CD109: variants seen among roughly 807,000 people sequenced by gnomAD.
The protein encoded by CD109 is CD109 molecule.
Under a neutral mutation model 165.8 loss-of-function variants are expected in CD109, and 149 were observed. The ratio of observed to expected loss-of-function variants is 0.90; its 90% CI spans 0.79 to 1.03. The LOEUF (loss-of-function observed/expected upper bound fraction) is 1.03, where lower values mean the gene tolerates loss of function less well. Ranked by LOEUF, CD109 falls within the 50% of genes least tolerant of loss-of-function variation. The pLI is 0.00. For synonymous variants in CD109, 585 were observed against 592.1 expected (o/e 0.99, Z 0.18); for missense variants, 1,712 against 1,677.8 (o/e 1.02, Z -0.36).
chr6:73,789,343 T>G (rs1043747672), intron 22 of CD109, among the ~76,000 whole-genome samples: 7 of 152,340 alleles, frequency 4.6e-5, no homozygotes, highest in African/African-American at 1.7e-4. Context: ...AAAGTGATAT[T>G]ATGGCTTATG....
chr6:73,705,543 C>G (rs1230580107), intron 2 of CD109, among the ~76,000 whole-genome samples: 1 of 151,898 alleles, frequency 6.6e-6, no homozygotes, highest in African/African-American at 2.4e-5. Context: ...TCAGGAGGCT[C>G]AGGCAGGAGG....
At chr6:73,792,546 C>T (rs1775007269) in intron 22 of CD109, 80 bp from the exon 23 acceptor site, 2 of 1,212,688 alleles carry the variant, frequency 1.6e-6, no homozygotes, top group Admixed American at 3.7e-5. Context: ...GTCTTCTGTA[C>T]TCAGTGGAAG....
rs1209124407 is a variant in CD109 at position 73,761,288 on chromosome 6, C to T, written c.759-1096C>T. Among the ~76,000 whole-genome samples, 6 of 152,154 alleles carry T rather than the reference C, an allele frequency of 3.9e-5. No individual in the cohort carries two copies. The East Asian group carries it at 1.2e-3, about 29-fold the overall frequency. ...AAAATCTTCTAAAGCTGCGAAGTTT[C>T]GTGGGCATTCAGTTAATGGGCCAGT... On this transcript the variant is annotated intron_variant, in intron 7 of 32. Transcript: ENST00000287097.
At position 73,709,499 on chromosome 6, in the gene CD109, C is replaced by T. The variant is rs139110124; in HGVS notation, c.247+11927C>T. Among the ~76,000 whole-genome samples, 314 of 152,086 alleles carry T rather than the reference C, an allele frequency of 2.1e-3. 2 individuals carry two copies. The highest frequency in any genetic ancestry group is 7.2e-3 in the African/African-American group (297 of 41,476). On this transcript the variant is annotated intron_variant, in intron 2 of 32. Coordinates refer to ENST00000287097, the MANE Select transcript of CD109 (RefSeq NM_133493.5). ...GGCAATGTGAGTTGTTTTTTGGTTCCGTATGAACTTTAAAGTAGTTTTTTC... is the reference window on the plus strand; with the variant it reads ...GGCAATGTGAGTTGTTTTTTGGTTCTGTATGAACTTTAAAGTAGTTTTTTC...
In CD109 at chr6:73,827,829, A is replaced by G. The variant is rs1467892097; in HGVS notation, c.*4196A>G. ...TAAATTGGTATACATGTGTCTCTGTAATAGGGATAATATTGATATATCTGT... is the reference window on the plus strand; with the variant it reads ...TAAATTGGTATACATGTGTCTCTGTGATAGGGATAATATTGATATATCTGT... On this transcript the variant is annotated 3_prime_UTR_variant, in exon 33 of 33. Transcript: ENST00000287097. 1 of 152,386 alleles carries G rather than the reference A, an allele frequency of 6.6e-6. No individual in the cohort carries two copies. Among genetic ancestry groups the G allele is most frequent in the Non-Finnish European group, 1.5e-5 (1 of 68,110 alleles). 9.4% of individuals were successfully genotyped at this position (152,386 alleles called of 1,614,324 possible). A position where few individuals can be genotyped will look rare whatever the true frequency, so the allele number is the denominator to read the frequency against.
chr6:73,730,480 C>T lies in CD109; in HGVS notation c.413C>T (p.Ala138Val). The T allele has an allele frequency of 6.2e-7, 1 of 1,613,878 alleles. No individual in the cohort carries two copies. Among genetic ancestry groups the T allele is most frequent in the Non-Finnish European group, 8.5e-7 (1 of 1,179,804 alleles). The change falls in exon 4 of 33, where the codon GCC becomes GTC. Residue 138 changes from alanine (A) to valine (V), a missense_variant. By Grantham distance (64) the Ala-to-Val change is moderately conservative. Transcript: ENST00000287097. ...RISVFIQTDK[A>V]LYKPKQEVKF... ...TCTGTCTTCATTCAAACAGACAAGG[C>T]CTTATACAAGCCAAAGCAAGAAGTG...
At chr6:73,764,541 G>A (rs1303745395) in intron 10 of CD109, among the ~76,000 whole-genome samples, 4 of 152,220 alleles carry the variant, frequency 2.6e-5, no homozygotes, top group South Asian at 2.1e-4. Flanking sequence ...CAGGCCTGGC[G>A]TGGTGGCTCA....
At chr6:73,748,057 A>G (rs1458617330) in intron 5 of CD109, among the ~76,000 whole-genome samples, 1 of 151,880 alleles carries the variant, frequency 6.6e-6, no homozygotes, top group Non-Finnish European at 1.5e-5. Flanking sequence ...TTTTGTAGAG[A>G]TGGGGTTTCA....
intron 5 of CD109, among the ~76,000 whole-genome samples, chr6:73,745,698 C>A (rs1317194166): frequency 6.6e-6 from 1 of 152,070 alleles, no homozygotes; most frequent in Non-Finnish European, 1.5e-5. Flanking sequence ...GCCTCTATAA[C>A]CTTGGTCATA....
At chr6:73,698,459 A>T (rs1385058562) in intron 2 of CD109, among the ~76,000 whole-genome samples, 1 of 152,124 alleles carries the variant, frequency 6.6e-6, no homozygotes, top group Non-Finnish European at 1.5e-5. Context: ...TGCTGGGATT[A>T]CAGTCCTAAG....
intron 2 of CD109, 184 bp from the exon 3 acceptor site, chr6:73,723,067 T>A: frequency 1.1e-6 from 1 of 916,130 alleles, no homozygotes; most frequent in Non-Finnish European, 1.3e-6. Context: ...TTTAATTGTT[T>A]GGCACAAAGA....
intron 31 of CD109, 44 bp from the exon 32 acceptor site, chr6:73,820,415 AAC>A (rs774042115): frequency 2.9e-6 from 3 of 1,032,034 alleles, no homozygotes; most frequent in Non-Finnish European, 4.4e-6. Context: ...CTTAATCATG[AAC>A]ACACAGTGTG....
chr6:73,751,625 A>G (rs1190374024), intron 5 of CD109, among the ~76,000 whole-genome samples: 1 of 151,934 alleles, frequency 6.6e-6, no homozygotes, highest in African/African-American at 2.4e-5. Context: ...CAAATATTAT[A>G]CCCTTTAGAG....
intron 5 of CD109, among the ~76,000 whole-genome samples, chr6:73,741,813 G>A (rs977100643): frequency 2.6e-5 from 4 of 152,140 alleles, no homozygotes; most frequent in Non-Finnish European, 2.9e-5. Flanking sequence ...TGGGATTACA[G>A]GTGTGCACCA....
At position 73,792,585 on chromosome 6, in the gene CD109, C is replaced by T. The variant is rs114463962; in HGVS notation, c.2702-41C>T. 864 of 1,590,652 alleles carry T rather than the reference C, an allele frequency of 5.4e-4. 7 individuals are homozygous for T. The African/African-American group carries it at 9.8e-3, about 18-fold the overall frequency. On this transcript the variant is annotated intron_variant, in intron 22 of 32. Transcript: ENST00000287097. ...CTTTGCCACCAGCAGGTCGTTGTTA[C>T]TGAGTATTTACTGAATGAACTGCAT...
intron 20 of CD109, among the ~76,000 whole-genome samples, chr6:73,786,615 T>C (rs1036126122): frequency 2.0e-5 from 3 of 151,916 alleles, no homozygotes; most frequent in Non-Finnish European, 4.4e-5. Flanking sequence ...ATGATAATTA[T>C]TACACCCACA....
intron 3 of CD109, among the ~76,000 whole-genome samples, chr6:73,725,695 T>C (rs895604296): frequency 6.6e-6 from 1 of 151,984 alleles, no homozygotes; most frequent in African/African-American, 2.4e-5. Context: ...GTATTTTTAG[T>C]AGGGACAGAG....
intron 29 of CD109, 81 bp downstream of exon 29, chr6:73,812,351 G>C: frequency 1.1e-6 from 1 of 874,290 alleles, no homozygotes; most frequent in South Asian, 1.7e-5. Context: ...TTAAATCTTA[G>C]ATAACTTGAA....
chr6:73,685,665 T>C, the CD109 span, among the ~76,000 whole-genome samples: 2 of 152,174 alleles, frequency 1.3e-5, no homozygotes, highest in Non-Finnish European at 2.9e-5. Context: ...GTGCACACAC[T>C]GTATCCAATA....
Sources: allele counts gnomAD v4.1 joint callset (sites outside exome capture counted in the v4.1 genomes callset), GRCh38; gene constraint gnomAD v4.1.1; transcripts MANE v1.5; gene names NCBI Gene and HGNC (gene_info 2026-07-23, HGNC 2026-07-21).